Variants in KRT7 observed in about 807,000 individuals in gnomAD.
KRT7 encodes the protein keratin, type II cytoskeletal 7.
KRT7 carries 50 observed loss-of-function variants against 42.8 expected under a neutral mutation model. That is an observed-to-expected ratio of 1.17 (90% CI 0.93 to 1.48). The LOEUF is 1.48. Ranked by LOEUF, KRT7 falls within the 40% of genes most tolerant of loss-of-function variation. KRT7 has a pLI of 0.00. For synonymous variants in KRT7, 268 were observed against 266.3 expected, an observed-to-expected ratio of 1.01 and a Z score of -0.06; for missense variants, 588 against 637.6, an observed-to-expected ratio of 0.92 and a Z score of 0.84.
chr12:52,248,249 G>A (rs1244384420), intron 8 of KRT7, 38 bp downstream of exon 8: 1 of 1,609,090 alleles, frequency 6.2e-7, no homozygotes, highest in Non-Finnish European at 8.5e-7. Context: ...AGCATCCCTT[G>A]TGCTGTTTAG....
rs751604980 is a variant in KRT7 at position 52,235,236 on chromosome 12, C to T, written c.406C>T (p.Arg136Cys). Residue 136 changes from arginine (R) to cysteine (C), a missense_variant, in exon 2 of 9, where the codon CGC becomes TGC. Arg to Cys is a radical substitution (Grantham distance 180). Transcript: ENST00000331817. ...LQEQKSAKSS[R>C]LPDIFEAQIA... is the part of the protein sequence containing the mutation. ...GGAGCAGAAGTCGGCCAAGAGCAGC[C>T]GCCTCCCAGACATCTTTGAGGCCCA... 1.3e-5 allele frequency: 21 copies of T among 1,614,040 alleles called. No homozygotes were observed. The highest frequency in any genetic ancestry group is 4.5e-5 in the East Asian group (2 of 44,902).
In KRT7 at chr12:52,233,632, T is replaced by C. The variant is rs1295627659; in HGVS notation, c.324+12T>C. 3.7e-6 allele frequency: 6 copies of C among 1,611,634 alleles called. No homozygotes were observed. The highest frequency in any genetic ancestry group is 3.3e-5 in the South Asian group (3 of 90,984). On this transcript the variant is annotated intron_variant, in intron 1 of 8. Coordinates refer to ENST00000331817, the MANE Select transcript of KRT7 (RefSeq NM_005556.4). ...CCTTCATCGACAAGGTGAGCGGGAC[T>C]GGACCTCGCCTCTCCTCGAGCCGCG...
At chr12:52,235,128 G>C (rs1592387810) in intron 1 of KRT7, 27 bp from the exon 2 acceptor site, 2 of 1,611,440 alleles carry the variant, frequency 1.2e-6, no homozygotes, top group East Asian at 4.5e-5. Flanking sequence ...GGCTCCTCTT[G>C]AGTTTCCTCC....
At chr12:52,238,872 G>A in intron 4 of KRT7, 97 bp downstream of exon 4, 1 of 764,320 alleles carries the variant, frequency 1.3e-6, no homozygotes, top group Non-Finnish European at 2.3e-6. Flanking sequence ...GTCCAGATAT[G>A]TGTCAGTGTG....
At chr12:52,252,979 G>A (rs1942288939), downstream of KRT7, among the ~76,000 whole-genome samples, 1 of 152,138 alleles carries the variant, frequency 6.6e-6, no homozygotes, top group Middle Eastern at 3.2e-3. Context: ...CCCTTAGACT[G>A]GTGCTATTTC....
At position 52,233,340 on chromosome 12, in the gene KRT7, C is replaced by T; in HGVS notation, c.44C>T (p.Ala15Val). 1 of 1,571,292 alleles carries T rather than the reference C, an allele frequency of 6.4e-7. No homozygotes were observed. The change falls in exon 1 of 9, where the codon GCC (alanine) becomes GTC (valine). Residue 15 changes from alanine (A) to valine (V), a missense_variant. Physicochemically the swap from Ala to Val is moderately conservative, Grantham distance 64. Coordinates refer to ENST00000331817, the MANE Select transcript of KRT7 (RefSeq NM_005556.4). The stretch of plus-strand genomic sequence containing the variant: ...TCCCCGGTATTCACCTCGCGCTCAG[C>T]CGCCTTCTCGGGCCGCGGCGCCCAG... ...FSSPVFTSRS[A>V]AFSGRGAQVR...
In KRT7 at chr12:52,233,545, C is replaced by G; in HGVS notation, c.249C>G (p.Ser83=). ...LAPLRLDADP[S]LQRVRQEESE... Reference sequence around the variant, plus strand: ...CGCTGCGGCTGGACGCCGACCCCTCCCTCCAGCGGGTGCGCCAGGAGGAGA... The same window carrying G: ...CGCTGCGGCTGGACGCCGACCCCTCGCTCCAGCGGGTGCGCCAGGAGGAGA... The change falls in exon 1 of 9, where the codon TCC becomes TCG. Residue 83 remains serine, a synonymous_variant. Coordinates refer to ENST00000331817, the MANE Select transcript of KRT7 (RefSeq NM_005556.4). The G allele has an allele frequency of 6.2e-7, 1 of 1,613,344 alleles. No individual in the cohort carries two copies. Among genetic ancestry groups the G allele is most frequent in the Non-Finnish European group, 8.5e-7 (1 of 1,179,848 alleles).
In KRT7 at chr12:52,245,719, G is replaced by A. The variant is rs1453241548; in HGVS notation, c.1205+87G>A. On this transcript the variant is annotated intron_variant, in intron 7 of 8. Transcript: ENST00000331817. ...ATTCATCCATTTACAAGCATTTCCT[G>A]TATGCCCCTCCTCTGCAGGGCACTG... The A allele has an allele frequency of 6.5e-6, 10 of 1,532,496 alleles. No homozygotes were observed. The East Asian group carries it at 1.6e-4, about 24-fold the overall frequency. 94.9% of individuals were successfully genotyped at this position (1,532,496 alleles called of 1,614,324 possible). A position where few individuals can be genotyped will look rare whatever the true frequency, so the allele number is the denominator to read the frequency against.
chr12:52,236,560 G>A (rs1212933753), intron 2 of KRT7, among the ~76,000 whole-genome samples: 3 of 152,184 alleles, frequency 2.0e-5, no homozygotes, highest in East Asian at 1.9e-4. Context: ...GGGGTGGACG[G>A]AAAGCCTTGC....
At chr12:52,235,059 TG>T in intron 1 of KRT7, 95 bp from the exon 2 acceptor site, 2 of 1,164,716 alleles carry the variant, frequency 1.7e-6, no homozygotes, top group South Asian at 1.4e-5. Flanking sequence ...AGGGGGAGCA[TG>T]GCTCTGCTAA....
chr12:52,254,355 AG>A, downstream of KRT7: 1 of 817,886 alleles, frequency 1.2e-6, no homozygotes, highest in Non-Finnish European at 2.1e-6. Context: ...AGGTAGGCAC[AG>A]TCCACATCCT....
intron 5 of KRT7, among the ~76,000 whole-genome samples, chr12:52,242,434 C>G (rs758338779): frequency 2.0e-5 from 3 of 152,136 alleles, no homozygotes; most frequent in Non-Finnish European, 4.4e-5. Context: ...GGTGGCAGGA[C>G]AGTTGATGGT....
chr12:52,241,726 C>A, intron 5 of KRT7, 90 bp downstream of exon 5: 1 of 1,152,638 alleles, frequency 8.7e-7, no homozygotes, highest in Non-Finnish European at 1.2e-6. Context: ...CCTTCAGGGC[C>A]TGGGTCCCAC....
chr12:52,236,475 A>C (rs929567412), intron 2 of KRT7, among the ~76,000 whole-genome samples: 1 of 150,780 alleles, frequency 6.6e-6, no homozygotes, highest in Admixed American at 6.6e-5. Context: ...GAGTACAGGG[A>C]GGGTCCCTGT....
At chr12:52,236,930 C>G (rs1459925128) in intron 2 of KRT7, among the ~76,000 whole-genome samples, 2 of 152,128 alleles carry the variant, frequency 1.3e-5, no homozygotes, top group African/African-American at 2.4e-5. Context: ...TTGTGTATCC[C>G]TCATCCTGAT....
chr12:52,237,452 G>T (rs369999689), intron 2 of KRT7, 57 bp from the exon 3 acceptor site: 20 of 1,282,376 alleles, frequency 1.6e-5, no homozygotes, highest in East Asian at 2.4e-5. Context: ...TATGGCGGAG[G>T]GGGGACGGGA....
downstream of KRT7, among the ~76,000 whole-genome samples, chr12:52,249,866 G>A (rs1386584574): frequency 6.6e-6 from 1 of 152,114 alleles, no homozygotes; most frequent in East Asian, 1.9e-4. Context: ...TGAGGTGGGG[G>A]CTGGGGTGGA....
Position 52,245,625 on chromosome 12 carries a change from G to A in KRT7, c.1198G>A (p.Glu400Lys). The change falls in exon 7 of 9, where the codon GAG (glutamate) becomes AAG (lysine). Residue 400 changes from glutamate (E) to lysine (K), a missense_variant. Physicochemically the swap from Glu to Lys is moderately conservative, Grantham distance 56. Transcript: ENST00000331817. ...CTACCGCAAGCTGCTGGAGGGCGAG[G>A]AGAGCCGGTGAGGACAAGGAACCTG... ...ATYRKLLEGEESRLAGDGVGA... is the reference protein window; with the variant it reads ...ATYRKLLEGEKSRLAGDGVGA... The A allele has an allele frequency of 6.2e-7, 1 of 1,613,490 alleles. No homozygotes were observed.
At chr12:52,255,246 C>A, downstream of KRT7, 1 of 433,086 alleles carries the variant, frequency 2.3e-6, no homozygotes, top group Non-Finnish European at 4.7e-6. Context: ...CTACAGAGAG[C>A]CTGATGTTAG....
Sources: allele counts gnomAD v4.1 joint callset (sites outside exome capture counted in the v4.1 genomes callset), GRCh38; gene constraint gnomAD v4.1.1; transcripts MANE v1.5; gene names NCBI Gene and HGNC (gene_info 2026-07-23, HGNC 2026-07-21).